FILIP1L: variants seen among roughly 807,000 people sequenced by gnomAD.
FILIP1L encodes the protein filamin A-interacting protein 1-like.
In FILIP1L, 55 loss-of-function variants were observed where a neutral mutation model predicts 96.6. That is an observed-to-expected ratio of 0.57 (90% CI 0.46 to 0.71). The LOEUF is 0.71. FILIP1L is among the 30% of genes least tolerant of loss of function. FILIP1L has a pLI of 0.00. For missense variants in FILIP1L, 1,304 were observed against 1,321.2 expected, an observed-to-expected ratio of 0.99 and a Z score of 0.20; for synonymous variants, 467 against 473.9, an observed-to-expected ratio of 0.99 and a Z score of 0.19.
intron 4 of FILIP1L, among the ~76,000 whole-genome samples, chr3:99,889,457 C>CTGGTGAGT (rs1299108327): frequency 6.6e-6 from 1 of 151,812 alleles, no homozygotes; most frequent in African/African-American, 2.4e-5. Context: ...TTTACCATAC[C>CTGGTGAGT]CTTATGTTCT....
chr3:99,985,010 A>G (rs1026688581), intron 1 of FILIP1L, among the ~76,000 whole-genome samples: 2 of 152,184 alleles, frequency 1.3e-5, no homozygotes, highest in African/African-American at 4.8e-5. Flanking sequence ...ATAAATACTT[A>G]AAGGGGTTGC....
intron 1 of FILIP1L, among the ~76,000 whole-genome samples, chr3:99,978,714 G>A (rs1022435632): frequency 6.6e-6 from 1 of 152,076 alleles, no homozygotes; most frequent in African/African-American, 2.4e-5. Context: ...GGCTAACATG[G>A]CAAAACCCCG....
At chr3:100,010,778 A>ATTTT (rs11371196) in intron 1 of FILIP1L, among the ~76,000 whole-genome samples, 13 of 93,662 alleles carry the variant, frequency 1.4e-4, no homozygotes, top group African/African-American at 2.2e-4. Flanking sequence ...CCACGCCCGG[A>ATTTT]TTTTTTTTTT....
At chr3:99,864,057 T>C (rs549167893) in intron 4 of FILIP1L, among the ~76,000 whole-genome samples, 8 of 152,368 alleles carry the variant, frequency 5.3e-5, no homozygotes, top group African/African-American at 1.9e-4. Context: ...GTAGGATCTA[T>C]TTTTAATGGA....
intron 1 of FILIP1L, among the ~76,000 whole-genome samples, chr3:100,091,231 G>T (rs1270038221): frequency 6.7e-6 from 1 of 150,286 alleles, no homozygotes; most frequent in East Asian, 2.0e-4. Context: ...CTTGCAGTGA[G>T]CCGAGATTGC....
chr3:100,088,696 C>T (rs2066053857), intron 1 of FILIP1L, among the ~76,000 whole-genome samples: 1 of 152,092 alleles, frequency 6.6e-6, no homozygotes, highest in South Asian at 2.1e-4. Flanking sequence ...TTGAGTCTCC[C>T]ATTTTTCTTG....
At chr3:99,876,139 G>A (rs1405931627) in intron 4 of FILIP1L, 1 of 986,178 alleles carries the variant, frequency 1.0e-6, no homozygotes, top group Non-Finnish European at 1.2e-6. Flanking sequence ...GCTGCGAGCC[G>A]ACTGTGCGCG....
rs911712715 is a variant in FILIP1L, at chr3:99,931,899, A to G, written c.-10-869T>C. On this transcript the variant is annotated intron_variant, in intron 1 of 5. Transcript: ENST00000477258. ...GAGAGAAAATATCAGTTGAACTTATAATTGACTCTATGGCATATAAGCAGA... is the reference window on the plus strand; with the variant it reads ...GAGAGAAAATATCAGTTGAACTTATGATTGACTCTATGGCATATAAGCAGA... Among the ~76,000 whole-genome samples the G allele has an allele frequency of 3.3e-5, 5 of 152,318 alleles. 1 individual carries two copies. The East Asian group carries it at 7.7e-4, about 23-fold the overall frequency.
intron 1 of FILIP1L, among the ~76,000 whole-genome samples, chr3:100,016,424 C>T (rs1040294253): frequency 1.3e-5 from 2 of 152,120 alleles, no homozygotes; most frequent in Non-Finnish European, 2.9e-5. Flanking sequence ...TTCCTGACCT[C>T]AGGTGATCCA....
At chr3:99,916,779 C>T (rs1482063779) in intron 4 of FILIP1L, among the ~76,000 whole-genome samples, 2 of 152,142 alleles carry the variant, frequency 1.3e-5, no homozygotes, top group African/African-American at 4.8e-5. Context: ...AACTCTGATA[C>T]CCTGTGCTCT....
At position 99,849,960 on chromosome 3, in the gene FILIP1L, T is replaced by C. The variant is rs1324131373; in HGVS notation, c.1716A>G (p.Lys572=). 1.9e-6 allele frequency: 3 copies of C among 1,612,574 alleles called. No homozygotes were observed. The highest frequency in any genetic ancestry group is 2.5e-6 in the Non-Finnish European group (3 of 1,179,762). ...GATCATTTCCTTTCTCTTCTTCCGC[T>C]TTCAATTTGTTTTTTAAATCATCTC... ...KERDDLKNKL[K]AEEEKGNDLL... The change falls in exon 5 of 6, where the codon AAA becomes AAG. Residue 572 remains lysine (K), a synonymous_variant. Coordinates refer to ENST00000477258, the MANE Select transcript of FILIP1L (RefSeq NM_001387850.1).
intron 1 of FILIP1L, among the ~76,000 whole-genome samples, chr3:100,000,883 A>G (rs776852530): frequency 1.3e-5 from 2 of 152,270 alleles, no homozygotes; most frequent in African/African-American, 2.4e-5. Context: ...ACTATGTTGT[A>G]TATAAATGTG....
rs1708529677 is a variant in FILIP1L, at chr3:99,962,669, G to T, written c.-10-31639C>A. On this transcript the variant is annotated intron_variant, in intron 1 of 5. Coordinates refer to ENST00000477258, the MANE Select transcript of FILIP1L (RefSeq NM_001387850.1). ...CAAACACATATAGCACTGTAGGCCT[G>T]GTCCTGTTACAGTAAGAAATAGAAT... Among the ~76,000 whole-genome samples, 3 of 152,152 alleles carry T rather than the reference G, an allele frequency of 2.0e-5. No individual in the cohort carries two copies. In the South Asian group the frequency reaches 6.2e-4, roughly 32 times the overall value.
chr3:99,922,482 G>C (rs1320657242), intron 4 of FILIP1L, among the ~76,000 whole-genome samples: 1 of 152,116 alleles, frequency 6.6e-6, no homozygotes, highest in Admixed American at 6.5e-5. Flanking sequence ...GGAAAAAATA[G>C]AGTGAATATA....
At chr3:99,952,906 C>T (rs1708218708) in intron 1 of FILIP1L, among the ~76,000 whole-genome samples, 1 of 152,012 alleles carries the variant, frequency 6.6e-6, no homozygotes, top group African/African-American at 2.4e-5. Flanking sequence ...GAGGTATACC[C>T]CCAAAATGGG....
At chr3:99,865,020 T>G (rs1354393055) in intron 4 of FILIP1L, among the ~76,000 whole-genome samples, 1 of 152,178 alleles carries the variant, frequency 6.6e-6, no homozygotes. Context: ...ATTCAATAAA[T>G]ATTTGAACAA....
intron 1 of FILIP1L, among the ~76,000 whole-genome samples, chr3:100,064,962 T>C (rs1352858602): frequency 1.3e-5 from 2 of 152,220 alleles, no homozygotes; most frequent in African/African-American, 4.8e-5. Flanking sequence ...CTAACATATG[T>C]TAAACACACA....
At chr3:99,971,419 G>A (rs1708818995) in intron 1 of FILIP1L, among the ~76,000 whole-genome samples, 1 of 152,062 alleles carries the variant, frequency 6.6e-6, no homozygotes, top group Admixed American at 6.5e-5. Context: ...TGAAAGGAGA[G>A]ATGAGGAGTC....
intron 4 of FILIP1L, among the ~76,000 whole-genome samples, chr3:99,897,005 T>A (rs1466591142): frequency 6.6e-6 from 1 of 152,222 alleles, no homozygotes; most frequent in Non-Finnish European, 1.5e-5. Flanking sequence ...GAGAATGATT[T>A]GTTTCTCAGA....
Sources: gnomAD v4.1 joint callset for allele counts (sites outside exome capture counted in the v4.1 genomes callset) on GRCh38, gnomAD v4.1.1 for gene constraint, MANE v1.5 for transcripts, NCBI Gene and HGNC (gene_info 2026-07-23, HGNC 2026-07-21) for gene names.